The following TMEM132D variants were observed in gnomAD, a reference collection of about 807,000 sequenced individuals.
The protein encoded by TMEM132D is transmembrane protein 132D.
A neutral mutation model predicts 62.3 loss-of-function variants in TMEM132D; 21 were observed. The observed-to-expected ratio is 0.34, with a 90% CI of 0.24 to 0.49. The LOEUF is 0.49. TMEM132D is among the 20% of genes least tolerant of loss of function. TMEM132D has a pLI of 0.99. For missense variants in TMEM132D, 1,346 were observed against 1,402.8 expected, an observed-to-expected ratio of 0.96 and a Z score of 0.65; for synonymous variants, 621 against 575.6, an observed-to-expected ratio of 1.08 and a Z score of -1.13.
At chr12:129,596,006 A>T (rs10744426) in intron 2 of TMEM132D, among the ~76,000 whole-genome samples, 1 of 152,166 alleles carries the variant, frequency 6.6e-6, no homozygotes, top group Non-Finnish European at 1.5e-5. Flanking sequence ...ATAAGTTCAA[A>T]GGCTTGAAAC....
At chr12:129,341,917 A>T (rs1869501564) in intron 3 of TMEM132D, among the ~76,000 whole-genome samples, 1 of 152,162 alleles carries the variant, frequency 6.6e-6, no homozygotes, top group Admixed American at 6.5e-5. Context: ...TGCTCAATGA[A>T]ATAAAAGAGG....
rs147453476 is a variant in TMEM132D at position 129,672,561 on chromosome 12, G to A, written c.968+27249C>T. Among the ~76,000 whole-genome samples the A allele has an allele frequency of 5.9e-5, 9 of 152,320 alleles. No homozygotes were observed. In the East Asian group the frequency reaches 9.7e-4, roughly 16 times the overall value. ...AACCAAAGTTCCCCAGAGCCTGTAC[G>A]TTTGAGGATGAAAGAGAACAGCTGG... is the stretch of plus-strand genomic sequence containing the variant. On this transcript the variant is annotated intron_variant, in intron 2 of 8. Transcript: ENST00000422113.
intron 2 of TMEM132D, among the ~76,000 whole-genome samples, chr12:129,640,383 A>G (rs1045083743): frequency 2.0e-5 from 3 of 152,210 alleles, no homozygotes; most frequent in African/African-American, 4.8e-5. Context: ...CTCGCTTGCC[A>G]TAAGAATGGG....
At chr12:129,744,378 C>T (rs1869706597) in intron 1 of TMEM132D, among the ~76,000 whole-genome samples, 1 of 152,094 alleles carries the variant, frequency 6.6e-6, no homozygotes, top group South Asian at 2.1e-4. Flanking sequence ...CCAAAGATTC[C>T]TGTTTAGTTA....
intron 3 of TMEM132D, among the ~76,000 whole-genome samples, chr12:129,480,489 G>C (rs1566083458): frequency 6.6e-6 from 1 of 152,332 alleles, no homozygotes; most frequent in South Asian, 2.1e-4. Context: ...ATCCGGGTGA[G>C]TGATGCTCTG....
At chr12:129,696,401 A>AATTC (rs1321916307) in intron 2 of TMEM132D, among the ~76,000 whole-genome samples, 1 of 152,228 alleles carries the variant, frequency 6.6e-6, no homozygotes, top group Non-Finnish European at 1.5e-5. Flanking sequence ...AATAATCAGC[A>AATTC]ATTCATTCAT....
intron 3 of TMEM132D, among the ~76,000 whole-genome samples, chr12:129,370,770 G>C (rs1219206651): frequency 2.0e-5 from 3 of 152,166 alleles, no homozygotes; most frequent in Non-Finnish European, 4.4e-5. Context: ...AGTAAACTAA[G>C]CCAGGCAGAG....
chr12:129,886,825 G>C (rs1406833736), intron 1 of TMEM132D, among the ~76,000 whole-genome samples: 1 of 152,118 alleles, frequency 6.6e-6, no homozygotes, highest in Non-Finnish European at 1.5e-5. Flanking sequence ...CCATGCTGCT[G>C]TTCTCCTGAT....
intron 2 of TMEM132D, among the ~76,000 whole-genome samples, chr12:129,534,203 TCATTACACAGAGATAAAC>T (rs1876313808): frequency 1.1e-5 from 1 of 91,690 alleles, no homozygotes; most frequent in Admixed American, 1.1e-4. Context: ...ACTGACAGCC[TCATTACACAGAGATAAAC>T]ATAGCACTTG....
At chr12:129,664,340 T>A (rs1367103217) in intron 2 of TMEM132D, among the ~76,000 whole-genome samples, 1 of 151,914 alleles carries the variant, frequency 6.6e-6, no homozygotes, top group Non-Finnish European at 1.5e-5. Context: ...CCAGATTTGG[T>A]AGAAAAAGAA....
intron 8 of TMEM132D, 25 bp from the exon 9 acceptor site, chr12:129,075,084 A>C (rs781250783): frequency 1.3e-6 from 2 of 1,577,672 alleles, no homozygotes; most frequent in South Asian, 2.3e-5. Flanking sequence ...ATGTAAGTTA[A>C]TCAAATGGGC....
chr12:129,690,776 C>A (rs1881044514), intron 2 of TMEM132D, among the ~76,000 whole-genome samples: 1 of 152,132 alleles, frequency 6.6e-6, no homozygotes, highest in South Asian at 2.1e-4. Flanking sequence ...CTGTGAGCAA[C>A]TGATAGATCA....
At chr12:129,736,051 T>C (rs893832116) in intron 1 of TMEM132D, among the ~76,000 whole-genome samples, 4 of 152,232 alleles carry the variant, frequency 2.6e-5, no homozygotes, top group Non-Finnish European at 5.9e-5. Context: ...TCCCTCTCCC[T>C]GCACTGAGAA....
At chr12:129,895,814 C>T (rs1200694918) in intron 1 of TMEM132D, among the ~76,000 whole-genome samples, 1 of 120,910 alleles carries the variant, frequency 8.3e-6, no homozygotes, top group Admixed American at 7.6e-5. Context: ...GCCCTTTCCC[C>T]TAGTAAAAAA....
intron 1 of TMEM132D, among the ~76,000 whole-genome samples, chr12:129,767,150 G>A (rs1312356213): frequency 1.3e-5 from 2 of 152,204 alleles, no homozygotes; most frequent in African/African-American, 4.8e-5. Context: ...CCAAGAAGCT[G>A]CCCTGTATCA....
intron 2 of TMEM132D, among the ~76,000 whole-genome samples, chr12:129,656,220 G>A (rs1565938696): frequency 6.6e-6 from 1 of 151,732 alleles, no homozygotes. Context: ...TAGGAAGGGA[G>A]GAAGGGAGAA....
At chr12:129,868,833 G>A (rs1426462248) in intron 1 of TMEM132D, among the ~76,000 whole-genome samples, 1 of 152,136 alleles carries the variant, frequency 6.6e-6, no homozygotes, top group Admixed American at 6.6e-5. Flanking sequence ...GCAGCAGAAG[G>A]AGCCAGGTTC....
At chr12:129,746,744 C>T (rs187183422) in intron 1 of TMEM132D, among the ~76,000 whole-genome samples, 4 of 152,190 alleles carry the variant, frequency 2.6e-5, no homozygotes, top group Admixed American at 1.3e-4. Flanking sequence ...GACAGTGTCA[C>T]GGAAGAGACA....
intron 4 of TMEM132D, among the ~76,000 whole-genome samples, chr12:129,316,583 G>A (rs1868494630): frequency 6.6e-6 from 1 of 152,124 alleles, no homozygotes. Flanking sequence ...CTATCTTGGA[G>A]AAAGTTCCAT....
Sources: gnomAD v4.1 joint callset for allele counts (sites outside exome capture counted in the v4.1 genomes callset) on GRCh38, gnomAD v4.1.1 for gene constraint, MANE v1.5 for transcripts, NCBI Gene and HGNC (gene_info 2026-07-23, HGNC 2026-07-21) for gene names.